Variants in TMEM266 observed in about 807,000 individuals in gnomAD.
The protein encoded by TMEM266 is transmembrane protein 266, also known as Hv1 related protein 1.
TMEM266 carries 33 observed loss-of-function variants against 50.5 expected under a neutral mutation model. The ratio of observed to expected loss-of-function variants is 0.65; its 90% CI spans 0.50 to 0.87. The LOEUF (loss-of-function observed/expected upper bound fraction) is 0.87, where lower values mean the gene tolerates loss of function less well. Among genes scored for constraint, TMEM266 ranks in the 40% least tolerant of loss-of-function variants. TMEM266 has a pLI of 0.00. For missense variants in TMEM266, 655 were observed against 695.1 expected (o/e 0.94, Z 0.65); for synonymous variants, 310 against 292.3 (o/e 1.06, Z -0.62).
chr15:76,158,053 A>G (rs192401786), intron 4 of TMEM266, among the ~76,000 whole-genome samples: 32 of 152,286 alleles, frequency 2.1e-4, no homozygotes, highest in African/African-American at 7.5e-4. Flanking sequence ...AGCTCCAGAG[A>G]GATTCTTTTC....
At chr15:76,116,154 C>G (rs2037243192) in intron 1 of TMEM266, among the ~76,000 whole-genome samples, 1 of 152,156 alleles carries the variant, frequency 6.6e-6, no homozygotes, top group South Asian at 2.1e-4. Context: ...CTCGCCCTGC[C>G]ATCGCCCACT....
chr15:76,140,428 A>G (rs1172220080), intron 3 of TMEM266, among the ~76,000 whole-genome samples: 1 of 152,244 alleles, frequency 6.6e-6, no homozygotes, highest in Non-Finnish European at 1.5e-5. Context: ...CAAAAGGAAG[A>G]GTCCTCATTT....
intron 1 of TMEM266, among the ~76,000 whole-genome samples, chr15:76,128,257 T>G (rs1313152942): frequency 6.6e-6 from 1 of 152,230 alleles, no homozygotes; most frequent in African/African-American, 2.4e-5. Flanking sequence ...TGAACAGACC[T>G]GGGGTCCTCT....
At chr15:76,069,663 A>G (rs1387117388) in intron 1 of TMEM266, among the ~76,000 whole-genome samples, 1 of 152,050 alleles carries the variant, frequency 6.6e-6, no homozygotes, top group Non-Finnish European at 1.5e-5. Flanking sequence ...TACTAAATAC[A>G]AAAAATTAGC....
rs1296175741 is a variant in TMEM266, at chr15:76,204,478, A to G, written c.*163A>G. 31 of 615,490 alleles carry G rather than the reference A, an allele frequency of 5.0e-5. No homozygotes were observed. Among genetic ancestry groups the G allele is most frequent in the Non-Finnish European group, 8.4e-5 (30 of 357,564 alleles). The allele number at this position is 615,490 out of a possible 1,614,324, so 38.1% of individuals were successfully genotyped here. A position where few individuals can be genotyped will look rare whatever the true frequency, so the allele number is the denominator to read the frequency against. ...GGCGACGCCAGGCCAGGAGGCCACAAGCTTCAGACCTCAAAGCCCAGAGCT... is the reference window on the plus strand; with the variant it reads ...GGCGACGCCAGGCCAGGAGGCCACAGGCTTCAGACCTCAAAGCCCAGAGCT... On this transcript the variant is annotated 3_prime_UTR_variant, in exon 11 of 11. Coordinates refer to ENST00000388942, the MANE Select transcript of TMEM266 (RefSeq NM_152335.3).
rs756222990 is a variant in TMEM266 at position 76,192,040 on chromosome 15, C to G, written c.841C>G (p.Leu281Val). Residue 281 changes from leucine (L) to valine (V), a missense_variant, in exon 9 of 11, where the codon CTC becomes GTC. Transcript: ENST00000388942. ...CCTGGCTGCCGAGCGCGAAGCGGCG[C>G]TCCAGGCCCCGCACGTGCTCAGCCA... 6.4e-7 allele frequency: 1 copy of G among 1,556,450 alleles called. No homozygotes were observed. The highest frequency in any genetic ancestry group is 1.2e-5 in the South Asian group (1 of 85,408).
intron 4 of TMEM266, among the ~76,000 whole-genome samples, chr15:76,157,985 C>G (rs1197127594): frequency 6.6e-6 from 1 of 150,916 alleles, no homozygotes; most frequent in African/African-American, 2.4e-5. Context: ...GAGACCCCAT[C>G]TCAAATAAAT....
In TMEM266 at chr15:76,203,922, C is replaced by A. The variant is rs1304720477; in HGVS notation, c.1203C>A (p.Ser401Arg). 1 of 1,614,062 alleles carries A rather than the reference C, an allele frequency of 6.2e-7. No homozygotes were observed. The highest frequency in any genetic ancestry group is 1.1e-5 in the South Asian group (1 of 91,076). ...CAGTCACCCGGGCCCAGAGTGACAGCAGCCAGACGCTGGGCTCCTCCATGG... is the reference window on the plus strand; with the variant it reads ...CAGTCACCCGGGCCCAGAGTGACAGAAGCCAGACGCTGGGCTCCTCCATGG... Residue 401 changes from serine to arginine, a missense_variant, in exon 11 of 11, where the codon AGC (serine) becomes AGA (arginine). By Grantham distance (110) the Ser-to-Arg change is moderately radical (BLOSUM62 -1). Around this residue, in one of 3 missense-constraint regions of TMEM266, gnomAD observed 455 missense variants for 401.8 expected, o/e 1.13. Transcript: ENST00000388942.
chr15:76,131,242 C>T (rs2037505480), intron 1 of TMEM266, among the ~76,000 whole-genome samples: 1 of 152,202 alleles, frequency 6.6e-6, no homozygotes, highest in Non-Finnish European at 1.5e-5. Context: ...TGGCAGGCAC[C>T]TGTAATCCCA....
intron 1 of TMEM266, among the ~76,000 whole-genome samples, chr15:76,091,603 A>G (rs1445177285): frequency 6.6e-6 from 1 of 152,058 alleles, no homozygotes; most frequent in Non-Finnish European, 1.5e-5. Context: ...GATCTTGATG[A>G]TCTTTCATAA....
chr15:76,064,622 C>T (rs1283510602), intron 1 of TMEM266, among the ~76,000 whole-genome samples: 6 of 152,172 alleles, frequency 3.9e-5, no homozygotes, highest in African/African-American at 1.4e-4. Context: ...CTGAATTACC[C>T]GCCAGGAGAG....
intron 9 of TMEM266, among the ~76,000 whole-genome samples, chr15:76,196,089 G>A (rs556737883): frequency 4.7e-4 from 72 of 152,318 alleles, no homozygotes; most frequent in African/African-American, 1.5e-3. Flanking sequence ...AGGATGTCAC[G>A]GGGTCTGCAG....
At chr15:76,096,745 C>G (rs2036926420) in intron 1 of TMEM266, among the ~76,000 whole-genome samples, 1 of 151,934 alleles carries the variant, frequency 6.6e-6, no homozygotes, top group South Asian at 2.1e-4. Flanking sequence ...AAGTCTAAGT[C>G]TCTTTATAGG....
chr15:76,166,619 A>G (rs904301693), intron 5 of TMEM266, among the ~76,000 whole-genome samples: 1 of 151,928 alleles, frequency 6.6e-6, no homozygotes, highest in Non-Finnish European at 1.5e-5. Flanking sequence ...TTCCTGCTCA[A>G]CTTCTGCTGG....
At chr15:76,065,472 C>T (rs544520756) in intron 1 of TMEM266, among the ~76,000 whole-genome samples, 1 of 146,372 alleles carries the variant, frequency 6.8e-6, no homozygotes, top group Non-Finnish European at 1.5e-5. Context: ...TCCTTCCTAG[C>T]GGTGTCCGTG....
chr15:76,060,648 G>C (rs1034290245), intron 1 of TMEM266, among the ~76,000 whole-genome samples: 3 of 152,204 alleles, frequency 2.0e-5, no homozygotes, highest in African/African-American at 4.8e-5. Context: ...TGCCAGGGAG[G>C]CTTAAACCTA....
chr15:76,148,402 C>T (rs936608301), intron 3 of TMEM266, among the ~76,000 whole-genome samples: 5 of 152,202 alleles, frequency 3.3e-5, no homozygotes, highest in African/African-American at 1.2e-4. Context: ...TGACCGCCTC[C>T]AGGCCAGTCC....
intron 4 of TMEM266, among the ~76,000 whole-genome samples, chr15:76,157,998 GTAAATAAA>G (rs71444968): frequency 3.5e-4 from 52 of 150,512 alleles, no homozygotes; most frequent in East Asian, 1.8e-3. Context: ...AAATAAATAA[GTAAATAAA>G]TAAATAAATA....
In TMEM266 at chr15:76,204,113, G is replaced by GGCCCA. The variant is rs759549249; in HGVS notation, c.1402_1406dup (p.Gly470GlnfsTer15). On this transcript the variant is annotated frameshift_variant, in exon 11 of 11. Coordinates refer to ENST00000388942, the MANE Select transcript of TMEM266 (RefSeq NM_152335.3). LOFTEE classifies it high-confidence loss of function. ...GCCTTGGACCCAGCCCCCCTCGCCCGGCCCAGCCCAGCGGGCTCGGCCCAA... is the reference window on the plus strand; with the variant it reads ...GCCTTGGACCCAGCCCCCCTCGCCCGGCCCAGCCCAGCCCAGCGGGCTCGGCCCAA... 1.3e-5 allele frequency: 21 copies of GGCCCA among 1,612,768 alleles called. No homozygotes were observed. Among genetic ancestry groups the GGCCCA allele is most frequent in the Non-Finnish European group, 1.8e-5 (21 of 1,179,624 alleles).
Sources: allele counts gnomAD v4.1 joint callset (sites outside exome capture counted in the v4.1 genomes callset), GRCh38; gene constraint gnomAD v4.1.1; regional missense constraint gnomAD v4.1.1; transcripts MANE v1.5; gene names NCBI Gene and HGNC (gene_info 2026-07-23, HGNC 2026-07-21).